CCM2L: variants seen among roughly 807,000 people sequenced by gnomAD.
The protein encoded by CCM2L is CCM2 like scaffold protein.
A neutral mutation model predicts 54.1 loss-of-function variants in CCM2L; 36 were observed. The ratio of observed to expected loss-of-function variants is 0.67; its 90% CI spans 0.51 to 0.88. The LOEUF is 0.88. CCM2L is among the 40% of genes least tolerant of loss of function. The pLI, the probability that CCM2L is intolerant of heterozygous loss-of-function variation, is 0.00. For synonymous variants in CCM2L, 351 were observed against 359.3 expected (o/e 0.98, Z 0.26); for missense variants, 700 against 812.1 (o/e 0.86, Z 1.68).
At chr20:32,022,937 A>G (rs2064819753) in intron 6 of CCM2L, 142 bp downstream of exon 6, 5 of 894,658 alleles carry the variant, frequency 5.6e-6, no homozygotes, top group Non-Finnish European at 8.1e-6. Context: ...CCACAATTGT[A>G]GGTGAAATGT....
In CCM2L at chr20:32,031,025, A is replaced by G; in HGVS notation, c.1427A>G (p.Gln476Arg). ...LLGMRPFIPD[Q>R]DIGYFEGFLE... ...GGGATGCGGCCCTTCATCCCGGACC[A>G]GGACATCGGCTACTTCGAGGGCTTC... The change falls in exon 10 of 10, where the codon CAG becomes CGG. Residue 476 changes from glutamine to arginine, a missense_variant. Physicochemically the swap from Gln to Arg is conservative, Grantham distance 43. Transcript: ENST00000452892. 3.1e-6 allele frequency: 4 copies of G among 1,304,188 alleles called. No individual in the cohort carries two copies. The highest frequency in any genetic ancestry group is 2.0e-6 in the Non-Finnish European group (2 of 988,904). The allele number at this position is 1,304,188 out of a possible 1,614,324, so 80.8% of individuals were successfully genotyped here. A position where few individuals can be genotyped will look rare whatever the true frequency, so the allele number is the denominator to read the frequency against.
intron 2 of CCM2L, among the ~76,000 whole-genome samples, chr20:32,016,748 CAAAT>C (rs1050677052): frequency 6.6e-6 from 1 of 152,084 alleles, no homozygotes; most frequent in South Asian, 2.1e-4. Context: ...GAAAAACTAA[CAAAT>C]AAATCTGCTT....
At chr20:32,014,847 T>G (rs1231042489) in intron 1 of CCM2L, 57 bp from the exon 2 acceptor site, 5 of 1,484,308 alleles carry the variant, frequency 3.4e-6, no homozygotes. Flanking sequence ...GTGAGCATAG[T>G]AAGAGTTCAA....
At chr20:32,025,077 TTCTTTCTC>T (rs1426149524) in intron 6 of CCM2L, among the ~76,000 whole-genome samples, 10 of 150,000 alleles carry the variant, frequency 6.7e-5, no homozygotes, top group African/African-American at 2.3e-4. Flanking sequence ...CTTTCTTTCT[TTCTTTCTC>T]TCTTTCTTTT....
chr20:32,010,547 A>G, intron 1 of CCM2L, 63 bp downstream of exon 1: 1 of 904,268 alleles, frequency 1.1e-6, no homozygotes, highest in Non-Finnish European at 1.7e-6. Flanking sequence ...GAAGGGGGCA[A>G]ACTGGGGCGG....
At chr20:32,029,908 C>T in intron 9 of CCM2L, 70 bp downstream of exon 9, 3 of 1,442,340 alleles carry the variant, frequency 2.1e-6, no homozygotes, top group East Asian at 2.6e-5. Flanking sequence ...CAGTCAGGCA[C>T]CAGGCTGCAA....
At chr20:32,018,791 T>G in intron 4 of CCM2L, 152 bp from the exon 5 acceptor site, 1 of 986,140 alleles carries the variant, frequency 1.0e-6, no homozygotes, top group South Asian at 4.5e-5. Flanking sequence ...GGAAGCGGAG[T>G]GGGCGGGGAA....
chr20:32,029,781 G>GACTATTGCACAGGCCTGCTGAAGCTCT lies in CCM2L; in HGVS notation c.1348_1374dup (p.Tyr450_Tyr458dup), dbSNP rs1249148102. The GACTATTGCACAGGCCTGCTGAAGCTCT allele has an allele frequency of 8.1e-6, 13 of 1,613,488 alleles. No homozygotes were observed. Among genetic ancestry groups the GACTATTGCACAGGCCTGCTGAAGCTCT allele is most frequent in the Non-Finnish European group, 4.2e-6 (5 of 1,179,674 alleles). On this transcript the variant is annotated inframe_insertion, in exon 9 of 10. Transcript: ENST00000452892. ...GTACCGGCTGGGGCTGCCCATCCAG[G>GACTATTGCACAGGCCTGCTGAAGCTCT]ACTATTGCACAGGCCTGCTGAAGCT...
chr20:32,017,846 G>C lies in CCM2L; in HGVS notation c.245G>C (p.Ser82Thr). The C allele has an allele frequency of 6.2e-7, 1 of 1,614,078 alleles. No homozygotes were observed. The highest frequency in any genetic ancestry group is 1.1e-5 in the South Asian group (1 of 91,072). ...TWVTSSLNPSSRDELLQLLDT... is the reference protein window; with the variant it reads ...TWVTSSLNPSTRDELLQLLDT... ...GTGACTTCCTCACTGAACCCCTCCA[G>C]TCGGGACGAGCTCCTGCAGCTGCTA... The change falls in exon 3 of 10, where the codon AGT (serine) becomes ACT (threonine). Residue 82 changes from serine (S) to threonine (T), a missense_variant. By Grantham distance (58) the Ser-to-Thr change is moderately conservative. Coordinates refer to ENST00000452892, the MANE Select transcript of CCM2L (RefSeq NM_001365692.1).
Position 32,019,250 on chromosome 20 carries a change from C to T in CCM2L, c.774C>T (p.Gly258=). Residue 258 remains glycine (G), a synonymous_variant, in exon 5 of 10, where the codon GGC becomes GGT. Transcript: ENST00000452892. ...ERRHGGGGGG[G]GAGKPGGSWE... ...GGCACGGAGGCGGCGGCGGCGGCGG[C>T]GGCGCGGGAAAGCCGGGCGGTAGCT... The T allele has an allele frequency of 1.7e-6, 2 of 1,195,290 alleles. No homozygotes were observed. The highest frequency in any genetic ancestry group is 1.6e-5 in the African/African-American group (1 of 63,102). The allele number at this position is 1,195,290 out of a possible 1,614,324, so 74.0% of individuals were successfully genotyped here.
chr20:32,022,110 T>C (rs1056564859), intron 5 of CCM2L, among the ~76,000 whole-genome samples: 15 of 152,174 alleles, frequency 9.9e-5, no homozygotes, highest in Non-Finnish European at 1.9e-4. Flanking sequence ...ACATTTGTAG[T>C]CTCAAAAAAG....
At position 32,030,051 on chromosome 20, in the gene CCM2L, A is replaced by G. The variant is rs564374881; in HGVS notation, c.1402+213A>G. ...GAGACACTGTTGATAAGAAGAACTAAGCAGTGGTGTGGCCATTTCATCCTC... is the reference window on the plus strand; with the variant it reads ...GAGACACTGTTGATAAGAAGAACTAGGCAGTGGTGTGGCCATTTCATCCTC... On this transcript the variant is annotated intron_variant, in intron 9 of 9. Coordinates refer to ENST00000452892, the MANE Select transcript of CCM2L (RefSeq NM_001365692.1). Among the ~76,000 whole-genome samples the G allele has an allele frequency of 1.2e-3, 190 of 152,280 alleles. 1 individual carries two copies. Among genetic ancestry groups the G allele is most frequent in the African/African-American group, 4.4e-3 (181 of 41,552 alleles).
rs778367733 is a variant in CCM2L at position 32,019,355 on chromosome 20, G to A, written c.879G>A (p.Gln293=). 1.3e-6 allele frequency: 2 copies of A among 1,494,414 alleles called. No individual in the cohort carries two copies. The highest frequency in any genetic ancestry group is 1.2e-5 in the South Asian group (1 of 80,310). The allele number at this position is 1,494,414 out of a possible 1,614,324, so 92.6% of individuals were successfully genotyped here. A position where few individuals can be genotyped will look rare whatever the true frequency, so the allele number is the denominator to read the frequency against. The change falls in exon 5 of 10, where the codon CAG becomes CAA. Residue 293 remains glutamine (Q), a synonymous_variant. Transcript: ENST00000452892. ...CCGGCCCCAACCCGCTCGACCCGCA[G>A]GACCCCAGCCCCGACGCCTACTGCA... The part of the protein sequence containing the change: ...RHPGPNPLDP[Q]DPSPDAYCNL...
Position 32,032,025 on chromosome 20 carries a change from T to C in CCM2L, c.*711T>C, listed in dbSNP as rs983311934. The stretch of plus-strand genomic sequence containing the variant: ...TGGAGCCTCTATCTGGTTAGTGTCG[T>C]AACCTCTGTGTGCCTCCCGTTACCC... On this transcript the variant is annotated 3_prime_UTR_variant, in exon 10 of 10. Coordinates refer to ENST00000452892, the MANE Select transcript of CCM2L (RefSeq NM_001365692.1). The C allele has an allele frequency of 2.0e-5, 3 of 152,202 alleles. No individual in the cohort carries two copies. The highest frequency in any genetic ancestry group is 4.4e-5 in the Non-Finnish European group (3 of 68,056). The allele number at this position is 152,202 out of a possible 1,614,324, so 9.4% of individuals were successfully genotyped here.
chr20:32,016,655 C>T (rs1304762193), intron 2 of CCM2L, among the ~76,000 whole-genome samples: 1 of 152,018 alleles, frequency 6.6e-6, no homozygotes, highest in Non-Finnish European at 1.5e-5. Context: ...GACTCCAGCC[C>T]CCCCACGCCC....
chr20:32,031,848 C>T lies in CCM2L; in HGVS notation c.*534C>T, dbSNP rs578158271. 2 of 152,492 alleles carry T rather than the reference C, an allele frequency of 1.3e-5. No individual in the cohort carries two copies. Among genetic ancestry groups the T allele is most frequent in the South Asian group, 4.1e-4 (2 of 4,902 alleles). The allele number at this position is 152,492 out of a possible 1,614,324, so 9.4% of individuals were successfully genotyped here. On this transcript the variant is annotated 3_prime_UTR_variant, in exon 10 of 10. Coordinates refer to ENST00000452892, the MANE Select transcript of CCM2L (RefSeq NM_001365692.1). ...CAGTGTAGAAGGTCTTTTTAAGGCT[C>T]TAAATGTCAGGGTCTCCCATCCCCT...
chr20:32,026,409 A>G (rs2064861045), intron 7 of CCM2L, among the ~76,000 whole-genome samples: 2 of 152,020 alleles, frequency 1.3e-5, no homozygotes. Flanking sequence ...AGGTCACCTC[A>G]TGGACCGAGA....
At chr20:32,029,258 G>C in intron 8 of CCM2L, 134 bp downstream of exon 8, 4 of 1,324,708 alleles carry the variant, frequency 3.0e-6, no homozygotes. Context: ...AATGAGGTTA[G>C]GAGAGTAAAC....
intron 6 of CCM2L, among the ~76,000 whole-genome samples, chr20:32,025,083 C>CTT (rs780097570): frequency 5.6e-5 from 8 of 143,880 alleles, no homozygotes; most frequent in African/African-American, 1.7e-4. Flanking sequence ...TTCTTTCTTT[C>CTT]TCTCTTTCTT....
Sources: gnomAD v4.1 joint callset for allele counts (sites outside exome capture counted in the v4.1 genomes callset) on GRCh38, gnomAD v4.1.1 for gene constraint, MANE v1.5 for transcripts, NCBI Gene and HGNC (gene_info 2026-07-23, HGNC 2026-07-21) for gene names.